The following FRMD6 variants were observed in gnomAD, a reference collection of about 807,000 sequenced individuals.
FRMD6 encodes FERM domain containing 6, also known as FERM domain-containing protein 6.
FRMD6 carries 37 observed loss-of-function variants against 73.2 expected under a neutral mutation model. The observed-to-expected ratio is 0.51, with a 90% CI of 0.39 to 0.66. The LOEUF (loss-of-function observed/expected upper bound fraction) is 0.66, where lower values mean the gene tolerates loss of function less well. Ranked by LOEUF, FRMD6 falls within the 30% of genes least tolerant of loss-of-function variation. FRMD6 has a pLI of 0.00. For synonymous variants in FRMD6, 273 were observed against 282.2 expected, an observed-to-expected ratio of 0.97 and a Z score of 0.33; for missense variants, 714 against 780.5, an observed-to-expected ratio of 0.91 and a Z score of 1.02.
the FRMD6 span, among the ~76,000 whole-genome samples, chr14:51,477,737 CTT>C: frequency 1.0e-4 from 14 of 134,166 alleles, no homozygotes; most frequent in Admixed American, 1.5e-4. Context: ...TTTTCTTTTT[CTT>C]TTTTTTTTTT....
rs1041942821 is a variant in FRMD6, at chr14:51,722,034, C to T, written c.1446C>T (p.Tyr482=). 1 of 1,614,140 alleles carries T rather than the reference C, an allele frequency of 6.2e-7. No individual in the cohort carries two copies. Among genetic ancestry groups the T allele is most frequent in the South Asian group, 1.1e-5 (1 of 91,082 alleles). Residue 482 remains tyrosine (Y), a synonymous_variant, in exon 12 of 14, where the codon TAC becomes TAT. Coordinates refer to ENST00000344768, the MANE Select transcript of FRMD6 (RefSeq NM_001267046.2). ...AAGTCAGCCCAGACATGTGCATCTA[C>T]ATCACAGAGGACATGCTCATGTCGC... is the stretch of plus-strand genomic sequence containing the variant. The part of the protein sequence containing the change: ...SLEVSPDMCI[Y]ITEDMLMSRK...
intron 1 of FRMD6, among the ~76,000 whole-genome samples, chr14:51,509,487 A>T (rs925141648): frequency 4.6e-5 from 7 of 151,760 alleles, no homozygotes; most frequent in Non-Finnish European, 1.0e-4. Flanking sequence ...AGATTGCGCC[A>T]CTACACTCCA....
chr14:51,526,293 G>A (rs565480115), intron 1 of FRMD6, among the ~76,000 whole-genome samples: 5 of 152,212 alleles, frequency 3.3e-5, no homozygotes, highest in South Asian at 2.1e-4. Flanking sequence ...TTATCACCTC[G>A]GTGTACAGGA....
At chr14:51,593,276 T>A (rs772600651) in intron 2 of FRMD6, among the ~76,000 whole-genome samples, 6 of 152,212 alleles carry the variant, frequency 3.9e-5, no homozygotes, top group Non-Finnish European at 7.3e-5. Context: ...AGAGAGGGTA[T>A]TTGTAATGTA....
At chr14:51,445,086 A>T in the FRMD6 span, among the ~76,000 whole-genome samples, 1 of 152,134 alleles carries the variant, frequency 6.6e-6, no homozygotes, top group Non-Finnish European at 1.5e-5. Context: ...GCTGCCATCC[A>T]GTTGACCACC....
rs1401448413 is a variant in FRMD6 at position 51,557,232 on chromosome 14, T to TGA, written c.-209-13113_-209-13112dup. On this transcript the variant is annotated intron_variant, in intron 1 of 14. Transcript: ENST00000356218. ...ATCAACCTAGGTGTCCATCAATGGA[T>TGA]GAGAAAATGTGACATATATATATAT... 3.6e-5 allele frequency among the ~76,000 whole-genome samples: 5 copies of TGA among 139,810 alleles called. No homozygotes were observed. The East Asian group carries it at 8.1e-4, about 23-fold the overall frequency. The allele number at this position is 139,810 out of a possible 152,430, so 91.7% of individuals were successfully genotyped here. A position where few individuals can be genotyped will look rare whatever the true frequency, so the allele number is the denominator to read the frequency against.
intron 1 of FRMD6, among the ~76,000 whole-genome samples, chr14:51,689,132 G>A (rs1895373439): frequency 6.6e-6 from 1 of 152,198 alleles, no homozygotes; most frequent in Non-Finnish European, 1.5e-5. Flanking sequence ...TGTAAGGAGG[G>A]CTTAGCAACC....
At chr14:51,616,553 T>C (rs1395375927) in intron 2 of FRMD6, among the ~76,000 whole-genome samples, 1 of 152,166 alleles carries the variant, frequency 6.6e-6, no homozygotes, top group Admixed American at 6.5e-5. Context: ...TGCTCCTTTT[T>C]TCCTCCTCAG....
At chr14:51,599,058 C>CTTTTCTTTTTTTTTTTTTTT (rs1158794443) in intron 2 of FRMD6, among the ~76,000 whole-genome samples, 2 of 72,824 alleles carry the variant, frequency 2.7e-5, no homozygotes, top group African/African-American at 5.5e-5. Flanking sequence ...CAGTATCTGT[C>CTTTTCTTTTTTTTTTTTTTT]TTTTTTTTTT....
chr14:51,496,321 T>C (rs1206240026), intron 1 of FRMD6, among the ~76,000 whole-genome samples: 4 of 152,242 alleles, frequency 2.6e-5, no homozygotes, highest in African/African-American at 9.6e-5. Flanking sequence ...CCCCAAAATA[T>C]AGTGGCTGAA....
intron 1 of FRMD6, among the ~76,000 whole-genome samples, chr14:51,536,777 T>C (rs1885920709): frequency 6.6e-6 from 1 of 152,246 alleles, no homozygotes; most frequent in African/African-American, 2.4e-5. Context: ...TGATCATTCA[T>C]AAACCAGCTG....
chr14:51,647,238 T>C (rs1892117052), upstream of FRMD6, among the ~76,000 whole-genome samples: 1 of 152,196 alleles, frequency 6.6e-6, no homozygotes. Context: ...TTCTATAAAT[T>C]GGGTAAAAGT....
the FRMD6 span, among the ~76,000 whole-genome samples, chr14:51,407,467 C>G: frequency 6.7e-6 from 1 of 150,342 alleles, no homozygotes; most frequent in African/African-American, 2.4e-5. Flanking sequence ...CAAATATTAC[C>G]AAACATTCAA....
intron 1 of FRMD6, among the ~76,000 whole-genome samples, chr14:51,662,880 A>T (rs1179462715): frequency 6.6e-6 from 1 of 152,236 alleles, no homozygotes; most frequent in Non-Finnish European, 1.5e-5. Context: ...TTTGCAAAGT[A>T]TGTACTGACA....
At chr14:51,668,610 A>G (rs939393110) in intron 1 of FRMD6, among the ~76,000 whole-genome samples, 1 of 144,794 alleles carries the variant, frequency 6.9e-6, no homozygotes, top group East Asian at 2.1e-4. Context: ...CCAGCCCAGA[A>G]CTTTGTAATC....
chr14:51,597,755 G>A (rs72673992), intron 2 of FRMD6, among the ~76,000 whole-genome samples: 2 of 152,194 alleles, frequency 1.3e-5, no homozygotes, highest in Non-Finnish European at 2.9e-5. Flanking sequence ...ATTAAAGAAG[G>A]GGGTAAAGAA....
chr14:51,567,772 C>T (rs73287278), intron 1 of FRMD6, among the ~76,000 whole-genome samples: 2,475 of 152,276 alleles, frequency 0.016, 61 homozygotes, highest in African/African-American at 0.053. Flanking sequence ...TAACTCTCTC[C>T]TTTCTTTGTT....
At chr14:51,399,147 A>G in the FRMD6 span, among the ~76,000 whole-genome samples, 1 of 152,282 alleles carries the variant, frequency 6.6e-6, no homozygotes, top group Non-Finnish European at 1.5e-5. Context: ...CTGCTCTTGG[A>G]AACCTTACCC....
chr14:51,698,190 A>G lies in FRMD6; in HGVS notation c.148A>G (p.Arg50Gly), dbSNP rs773741489. The change falls in exon 3 of 14, where the codon AGG becomes GGG. Residue 50 changes from arginine (R) to glycine (G), a missense_variant. Arg to Gly is a moderately radical substitution (Grantham distance 125, BLOSUM62 -2). Coordinates refer to ENST00000344768, the MANE Select transcript of FRMD6 (RefSeq NM_001267046.2). ...GCTGGTCCAGGTTTGTGACCTGCTC[A>G]GGCTAAAGGACTGCCACCTCTTTGG... The part of the protein sequence containing the change: ...QLLVQVCDLL[R>G]LKDCHLFGLS... The G allele has an allele frequency of 6.2e-7, 1 of 1,612,606 alleles. No homozygotes were observed. Among genetic ancestry groups the G allele is most frequent in the Admixed American group, 1.7e-5 (1 of 59,860 alleles).
Sources: allele counts gnomAD v4.1 joint callset (sites outside exome capture counted in the v4.1 genomes callset), GRCh38; gene constraint gnomAD v4.1.1; transcripts MANE v1.5; gene names NCBI Gene and HGNC (gene_info 2026-07-23, HGNC 2026-07-21).